The following ERAP1 variants were observed in gnomAD, a reference collection of about 807,000 sequenced individuals.
The protein encoded by ERAP1 is adipocyte-derived leucine aminopeptidase.
In ERAP1, 86 loss-of-function variants were observed where a neutral mutation model predicts 103.7. The ratio of observed to expected loss-of-function variants is 0.83; its 90% CI spans 0.70 to 0.99. The LOEUF (loss-of-function observed/expected upper bound fraction) is 0.99. Ranked by LOEUF, ERAP1 falls within the 50% of genes least tolerant of loss-of-function variation. ERAP1 has a pLI of 0.00. For synonymous variants in ERAP1, 398 were observed against 402.4 expected, an observed-to-expected ratio of 0.99 and a Z score of 0.13; for missense variants, 1,009 against 1,128.4, an observed-to-expected ratio of 0.89 and a Z score of 1.52.
At chr5:96,896,623 C>A in the ERAP1 span, 2 of 1,436,414 alleles carry the variant, frequency 1.4e-6, no homozygotes, top group East Asian at 2.4e-5. Context: ...TTTATTTGTT[C>A]ACTTTTCAGA....
upstream of ERAP1, chr5:96,808,145 G>C (rs1019389747): frequency 1.1e-5 from 11 of 984,240 alleles, no homozygotes; most frequent in African/African-American, 5.3e-5. Flanking sequence ...TGCGATGCGG[G>C]GGATCAGGCG....
intron 1 of ERAP1, among the ~76,000 whole-genome samples, chr5:96,807,128 C>G (rs1778711635): frequency 6.6e-6 from 1 of 152,184 alleles, no homozygotes; most frequent in Non-Finnish European, 1.5e-5. Flanking sequence ...CCCCCTTCCC[C>G]TCATGGAATT....
chr5:96,808,217 T>C, upstream of ERAP1: 1 of 386,970 alleles, frequency 2.6e-6, no homozygotes, highest in African/African-American at 2.4e-5. Context: ...TGTGTGTGTG[T>C]GTGTGTGTGT....
chr5:96,880,954 G>C, the ERAP1 span: 2 of 158,408 alleles, frequency 1.3e-5, no homozygotes, highest in African/African-American at 4.8e-5. Context: ...ACTGGGCAGG[G>C]AAGTGTTTGT....
At chr5:96,896,813 T>C in the ERAP1 span, 2 of 1,313,968 alleles carry the variant, frequency 1.5e-6, no homozygotes, top group African/African-American at 2.2e-5. Flanking sequence ...CTTAAAGAAG[T>C]TCAGCTATAG....
chr5:96,775,018 A>AGAGT lies in ERAP1; in HGVS notation c.*1374_*1377dup. 1 of 985,468 alleles carries AGAGT rather than the reference A, an allele frequency of 1.0e-6. No homozygotes were observed. The highest frequency in any genetic ancestry group is 1.2e-6 in the Non-Finnish European group (1 of 829,890). The allele number at this position is 985,468 out of a possible 1,614,324, so 61.0% of individuals were successfully genotyped here. ...CCAGGTGTGAGGATTTCCGCACCTT[A>AGAGT]GAGTCAGCGCAAAACACGCTGCAAC... On this transcript the variant is annotated 3_prime_UTR_variant, in exon 19 of 19. Transcript: ENST00000443439.
chr5:96,817,231 G>A, the ERAP1 span, among the ~76,000 whole-genome samples: 6 of 152,136 alleles, frequency 3.9e-5, no homozygotes. Flanking sequence ...AGGGCACAGA[G>A]CAGGATAGAG....
At chr5:96,870,978 G>A in the ERAP1 span, among the ~76,000 whole-genome samples, 1 of 152,236 alleles carries the variant, frequency 6.6e-6, no homozygotes, top group South Asian at 2.1e-4. Context: ...TCAGTTTCTG[G>A]CAACGTTTAT....
the ERAP1 span, among the ~76,000 whole-genome samples, chr5:96,830,288 T>C: frequency 1.2e-4 from 19 of 152,154 alleles, no homozygotes; most frequent in African/African-American, 4.6e-4. Flanking sequence ...TGACAAAAGG[T>C]AATTTAAAAA....
chr5:96,797,077 C>A (rs569471306), intron 4 of ERAP1, 98 bp downstream of exon 4: 3 of 1,439,210 alleles, frequency 2.1e-6, no homozygotes, highest in African/African-American at 1.4e-5. Flanking sequence ...TGGGTTTACA[C>A]GCACGACCCA....
the ERAP1 span, among the ~76,000 whole-genome samples, chr5:96,831,381 T>G: frequency 2.0e-5 from 3 of 152,140 alleles, no homozygotes; most frequent in Admixed American, 2.0e-4. Flanking sequence ...CAATTTGACA[T>G]GAGAGTTGGT....
At chr5:96,762,462 T>C (rs565789423) in exon 20 of ERAP1, 5 of 833,916 alleles carry the variant, frequency 6.0e-6, no homozygotes, top group Non-Finnish European at 9.2e-6. Context: ...CAAATGAAAA[T>C]AGGCAGAATT....
chr5:96,768,881 T>C (rs1771053754), intron 19 of ERAP1: 1 of 155,762 alleles, frequency 6.4e-6, no homozygotes, highest in Admixed American at 6.5e-5. Context: ...CTCCTTGCTC[T>C]CTGTTACCTC....
At chr5:96,888,330 A>G in the ERAP1 span, among the ~76,000 whole-genome samples, 1 of 152,204 alleles carries the variant, frequency 6.6e-6, no homozygotes. Context: ...ATGGCACTTC[A>G]GAGGACAGGT....
At chr5:96,834,519 G>A in the ERAP1 span, among the ~76,000 whole-genome samples, 108,007 of 152,102 alleles carry the variant, frequency 0.71, 39,328 homozygotes, top group Non-Finnish European at 0.79. Flanking sequence ...TTGTGATATG[G>A]TAAGTGGAGT....
At chr5:96,907,277 C>T in the ERAP1 span, among the ~76,000 whole-genome samples, 82,444 of 151,940 alleles carry the variant, frequency 0.54, 22,425 homozygotes, top group Admixed American at 0.59. Context: ...AATTAAACAA[C>T]TCAGTAACTA....
chr5:96,836,183 T>TTG, the ERAP1 span, among the ~76,000 whole-genome samples: 15 of 150,130 alleles, frequency 1.0e-4, no homozygotes, highest in African/African-American at 3.7e-4. Context: ...TTGGTTTTTT[T>TTG]TTTTTTTTTT....
intron 19 of ERAP1, chr5:96,765,327 TA>T (rs59338324): frequency 0.076 from 37,807 of 500,548 alleles, 993 homozygotes; most frequent in Non-Finnish European, 0.083. Flanking sequence ...AAAGTAAAGG[TA>T]AAAAAAAAAA....
the ERAP1 span, among the ~76,000 whole-genome samples, chr5:96,887,110 C>A: frequency 2.7e-5 from 4 of 145,930 alleles, no homozygotes; most frequent in African/African-American, 1.0e-4. Context: ...TACACACACA[C>A]ACACACACAC....
Sources: allele counts gnomAD v4.1 joint callset (sites outside exome capture counted in the v4.1 genomes callset), GRCh38; gene constraint gnomAD v4.1.1; transcripts MANE v1.5; gene names NCBI Gene and HGNC (gene_info 2026-07-23, HGNC 2026-07-21).